The following GABRG3 variants were observed in gnomAD, a reference collection of about 807,000 sequenced individuals.
GABRG3 encodes gamma-aminobutyric acid type A receptor subunit gamma3, also known as gamma-aminobutyric acid receptor subunit gamma-3.
A neutral mutation model predicts 48.8 loss-of-function variants in GABRG3; 25 were observed. That is an observed-to-expected ratio of 0.51 (90% CI 0.37 to 0.72). The LOEUF is 0.72. Ranked by LOEUF, GABRG3 falls within the 30% of genes least tolerant of loss-of-function variation. The pLI is 0.00. For synonymous variants in GABRG3, 227 were observed against 217.6 expected (o/e 1.04, Z -0.38); for missense variants, 394 against 577.9 (o/e 0.68, Z 3.26).
intron 5 of GABRG3, among the ~76,000 whole-genome samples, chr15:27,435,572 A>G (rs1165909770): frequency 6.6e-6 from 1 of 152,180 alleles, no homozygotes; most frequent in African/African-American, 2.4e-5. Context: ...ACCAGAATAT[A>G]GGTGCTCAAT....
intron 5 of GABRG3, among the ~76,000 whole-genome samples, chr15:27,371,173 G>A (rs1274037951): frequency 6.6e-6 from 1 of 152,076 alleles, no homozygotes; most frequent in Admixed American, 6.6e-5. Context: ...AAAAAGGTAT[G>A]CTGTTTAGAC....
chr15:27,120,072 C>T (rs1315663727), intron 3 of GABRG3, among the ~76,000 whole-genome samples: 1 of 152,166 alleles, frequency 6.6e-6, no homozygotes. Flanking sequence ...TTGAGTTCGT[C>T]GGTGACAATA....
intron 3 of GABRG3, among the ~76,000 whole-genome samples, chr15:27,209,995 A>C (rs758544094): frequency 4.6e-5 from 7 of 152,094 alleles, no homozygotes; most frequent in Non-Finnish European, 7.4e-5. Context: ...CACCCTGATG[A>C]CCTCATTTAA....
intron 5 of GABRG3, among the ~76,000 whole-genome samples, chr15:27,432,633 A>AT (rs1411165315): frequency 6.6e-6 from 1 of 152,104 alleles, no homozygotes; most frequent in Non-Finnish European, 1.5e-5. Context: ...TCCAGAACAC[A>AT]TTTTTCTGAC....
intron 5 of GABRG3, among the ~76,000 whole-genome samples, chr15:27,424,552 CTTTT>C (rs534239781): frequency 5.2e-5 from 7 of 133,610 alleles, no homozygotes; most frequent in African/African-American, 1.7e-4. Flanking sequence ...AAGGTTTCAC[CTTTT>C]TTTTTTTTTT....
chr15:27,436,783 A>C (rs77406326), intron 5 of GABRG3, among the ~76,000 whole-genome samples: 1,782 of 152,290 alleles, frequency 0.012, 25 homozygotes, highest in South Asian at 0.031. Flanking sequence ...CAAAAAGAGC[A>C]GTGCAAGGGA....
intron 5 of GABRG3, among the ~76,000 whole-genome samples, chr15:27,411,737 C>T (rs1047451545): frequency 6.6e-6 from 1 of 152,002 alleles, no homozygotes; most frequent in Non-Finnish European, 1.5e-5. Flanking sequence ...TTAAATAAAC[C>T]AAGCTCCCCT....
At chr15:27,427,718 T>C (rs1457286751) in intron 5 of GABRG3, among the ~76,000 whole-genome samples, 1 of 152,220 alleles carries the variant, frequency 6.6e-6, no homozygotes, top group African/African-American at 2.4e-5. Context: ...GCAGAACAAA[T>C]TGGAATCAAG....
intron 6 of GABRG3, among the ~76,000 whole-genome samples, chr15:27,519,579 A>T (rs1275315199): frequency 1.3e-5 from 2 of 152,222 alleles, no homozygotes; most frequent in African/African-American, 4.8e-5. Context: ...TCATTGGAAA[A>T]GCATCCCTTA....
intron 3 of GABRG3, among the ~76,000 whole-genome samples, chr15:27,032,662 A>C (rs1041931007): frequency 6.6e-6 from 1 of 152,246 alleles, no homozygotes; most frequent in Non-Finnish European, 1.5e-5. Context: ...TGAGCACAGC[A>C]CTAAGCCATT....
At position 27,099,913 on chromosome 15, in the gene GABRG3, CATT is replaced by C. The variant is rs1422926575; in HGVS notation, c.270+73096_270+73098del. On this transcript the variant is annotated intron_variant, in intron 3 of 9. Transcript: ENST00000615808. ...ATAGACTTTTAACTAATAAATTTGA[CATT>C]ATTCTAAAAATCAGAATTGGCCGGG... Among the ~76,000 whole-genome samples the C allele has an allele frequency of 2.0e-5, 3 of 152,160 alleles. No homozygotes were observed. In the East Asian group the frequency reaches 5.8e-4, roughly 29 times the overall value.
rs1894927701 is a variant in GABRG3, at chr15:26,975,622, C to A, written c.54-1380C>A. ...ATATGCATGTGCATATATATGAAGA[C>A]CTAAATTAAGTGGAAAAAATGAATA... On this transcript the variant is annotated intron_variant, in intron 1 of 9. Coordinates refer to ENST00000615808, the MANE Select transcript of GABRG3 (RefSeq NM_033223.5). This position sits in a 1 kb window ranked among gnomAD's most constrained non-coding sequence, Gnocchi z 4.6. Among the ~76,000 whole-genome samples, 1 of 151,958 alleles carries A rather than the reference C, an allele frequency of 6.6e-6. No homozygotes were observed. Among genetic ancestry groups the A allele is most frequent in the African/African-American group, 2.4e-5 (1 of 41,344 alleles).
chr15:27,357,580 A>G (rs1894883153), intron 5 of GABRG3, among the ~76,000 whole-genome samples: 1 of 152,222 alleles, frequency 6.6e-6, no homozygotes, highest in South Asian at 2.1e-4. Flanking sequence ...ACTCTATTAT[A>G]CCACCCAAAA....
intron 3 of GABRG3, among the ~76,000 whole-genome samples, chr15:27,242,114 C>A (rs146350442): frequency 6.6e-6 from 1 of 152,206 alleles, no homozygotes; most frequent in Non-Finnish European, 1.5e-5. Context: ...CCTGGCCCAA[C>A]TGCTGCACCA....
intron 3 of GABRG3, among the ~76,000 whole-genome samples, chr15:27,256,941 G>A (rs1057431017): frequency 1.3e-5 from 2 of 152,156 alleles, no homozygotes; most frequent in African/African-American, 4.8e-5. Flanking sequence ...CCCAGCAGTG[G>A]GATTGCTGGA....
chr15:27,456,036 C>T (rs2150833194), intron 5 of GABRG3, among the ~76,000 whole-genome samples: 1 of 152,258 alleles, frequency 6.6e-6, no homozygotes, highest in Non-Finnish European at 1.5e-5. Flanking sequence ...CTGGGGCCCA[C>T]CCTTAGCTTT....
chr15:27,461,163 C>G (rs1282175836), intron 5 of GABRG3, among the ~76,000 whole-genome samples: 2 of 152,214 alleles, frequency 1.3e-5, no homozygotes, highest in Non-Finnish European at 2.9e-5. Flanking sequence ...ACTCAGAGCA[C>G]TGCTGCTGCT....
chr15:27,371,677 A>G (rs1381542479), intron 5 of GABRG3, among the ~76,000 whole-genome samples: 1 of 152,194 alleles, frequency 6.6e-6, no homozygotes, highest in African/African-American at 2.4e-5. Context: ...TTTGCATCCA[A>G]GTCTGTATAT....
chr15:27,438,586 G>A (rs961533544), intron 5 of GABRG3, among the ~76,000 whole-genome samples: 16 of 152,174 alleles, frequency 1.1e-4, no homozygotes, highest in African/African-American at 2.9e-4. Flanking sequence ...GTGCAAACAC[G>A]TCTCTCTGCA....
Sources: gnomAD v4.1 joint callset for allele counts (sites outside exome capture counted in the v4.1 genomes callset) on GRCh38, gnomAD v4.1.1 for gene constraint, Gnocchi (gnomAD v3.1) non-coding constraint, MANE v1.5 for transcripts, NCBI Gene and HGNC (gene_info 2026-07-23, HGNC 2026-07-21) for gene names.